KIZ: variants seen among roughly 807,000 people sequenced by gnomAD.
KIZ encodes kizuna centrosomal protein, also known as centrosomal protein kizuna.
KIZ carries 68 observed loss-of-function variants against 79.6 expected under a neutral mutation model. That is an observed-to-expected ratio of 0.85 (90% CI 0.70 to 1.05). The LOEUF (loss-of-function observed/expected upper bound fraction) is 1.05. Among genes scored for constraint, KIZ ranks in the 50% least tolerant of loss-of-function variants. KIZ has a pLI of 0.00. For synonymous variants in KIZ, 280 were observed against 281.8 expected, an observed-to-expected ratio of 0.99 and a Z score of 0.06; for missense variants, 797 against 800.4, an observed-to-expected ratio of 1.00 and a Z score of 0.05.
At chr20:21,203,748 A>C (rs1039775887) in intron 6 of KIZ, among the ~76,000 whole-genome samples, 9 of 152,186 alleles carry the variant, frequency 5.9e-5, no homozygotes, top group Non-Finnish European at 1.3e-4. Context: ...TTGTTGCCCT[A>C]CCAGCCTCCA....
chr20:21,237,385 C>T (rs6137297), intron 11 of KIZ, among the ~76,000 whole-genome samples: 91,415 of 151,484 alleles, frequency 0.6, 28,639 homozygotes, highest in South Asian at 0.78. Context: ...TCTGTTCTTT[C>T]CTCCAAATTC....
intron 6 of KIZ, among the ~76,000 whole-genome samples, chr20:21,176,531 TG>T (rs2034440833): frequency 6.7e-6 from 1 of 148,362 alleles, no homozygotes; most frequent in South Asian, 2.2e-4. Context: ...ACATCATGCC[TG>T]GCTTTCAACA....
At chr20:21,232,096 A>G (rs944531645) in intron 10 of KIZ, among the ~76,000 whole-genome samples, 13 of 152,232 alleles carry the variant, frequency 8.5e-5, no homozygotes, top group Non-Finnish European at 1.5e-4. Context: ...GCAGACCTGT[A>G]GCAGAAACAT....
chr20:21,214,564 A>G lies in KIZ; in HGVS notation c.1476A>G (p.Thr492=). The change falls in exon 8 of 13, where the codon ACA becomes ACG. Residue 492 remains threonine (T), a synonymous_variant. Transcript: ENST00000619189. ...EATALLRKAL[T]EECGRRSAIH... is the part of the protein sequence containing the mutation. The stretch of plus-strand genomic sequence containing the variant: ...CAGCATTATTGAGAAAAGCCCTTAC[A>G]GAAGAGTGTGGCCGTAGGTCAGCTA... 2 of 1,613,692 alleles carry G rather than the reference A, an allele frequency of 1.2e-6. No homozygotes were observed. Among genetic ancestry groups the G allele is most frequent in the Non-Finnish European group, 1.7e-6 (2 of 1,179,676 alleles).
intron 9 of KIZ, among the ~76,000 whole-genome samples, chr20:21,216,506 G>A (rs982718181): frequency 6.6e-6 from 1 of 152,104 alleles, no homozygotes; most frequent in Non-Finnish European, 1.5e-5. Flanking sequence ...CTCTGGTTTT[G>A]AAAAAGCAGT....
At chr20:21,156,927 T>C (rs913665551) in intron 4 of KIZ, among the ~76,000 whole-genome samples, 1 of 152,168 alleles carries the variant, frequency 6.6e-6, no homozygotes, top group Non-Finnish European at 1.5e-5. Context: ...AGGGAGTGTT[T>C]TGTATTATTT....
chr20:21,133,507 G>A (rs1038075161), intron 2 of KIZ, among the ~76,000 whole-genome samples: 13 of 152,210 alleles, frequency 8.5e-5, no homozygotes, highest in Non-Finnish European at 1.5e-4. Context: ...GGTGGTGGGA[G>A]GGGCAAGTGT....
At chr20:21,184,585 A>G (rs1381543434) in intron 6 of KIZ, among the ~76,000 whole-genome samples, 1 of 152,182 alleles carries the variant, frequency 6.6e-6, no homozygotes, top group Non-Finnish European at 1.5e-5. Flanking sequence ...CTAGTGACAG[A>G]CTTTTGGAAA....
chr20:21,223,665 C>CT (rs1053285543), intron 9 of KIZ, among the ~76,000 whole-genome samples: 3,907 of 126,106 alleles, frequency 0.031, 159 homozygotes, highest in African/African-American at 0.062. Context: ...CTCTCTCTCT[C>CT]TTTTTTTTTT....
intron 6 of KIZ, among the ~76,000 whole-genome samples, chr20:21,168,722 T>G (rs1275942398): frequency 2.6e-5 from 4 of 152,170 alleles, no homozygotes; most frequent in Middle Eastern, 3.2e-3. Context: ...ATGGTACTGG[T>G]ACCAAAACAG....
At chr20:21,234,672 T>C (rs1030565782) in intron 11 of KIZ, among the ~76,000 whole-genome samples, 1 of 150,936 alleles carries the variant, frequency 6.6e-6, no homozygotes, top group Non-Finnish European at 1.5e-5. Flanking sequence ...AACATAACAG[T>C]GCAGTGCTGC....
chr20:21,205,635 G>T, intron 7 of KIZ, 51 bp downstream of exon 7: 1 of 763,540 alleles, frequency 1.3e-6, no homozygotes, highest in East Asian at 2.8e-5. Context: ...GTGGACCACA[G>T]GGTAAGGTTA....
intron 11 of KIZ, among the ~76,000 whole-genome samples, chr20:21,240,730 G>A (rs1341660716): frequency 6.6e-6 from 1 of 152,174 alleles, no homozygotes; most frequent in Non-Finnish European, 1.5e-5. Context: ...GCTAAGAGTG[G>A]TTTTCACATT....
chr20:21,142,365 A>ATAAT (rs1424135961), intron 3 of KIZ, among the ~76,000 whole-genome samples: 1 of 152,084 alleles, frequency 6.6e-6, no homozygotes, highest in African/African-American at 2.4e-5. Flanking sequence ...TATCTGACCC[A>ATAAT]TAATATGGCA....
chr20:21,201,978 A>C (rs918606830), intron 6 of KIZ, among the ~76,000 whole-genome samples: 1 of 152,232 alleles, frequency 6.6e-6, no homozygotes, highest in Non-Finnish European at 1.5e-5. Flanking sequence ...CACAAACCCT[A>C]GGTGCTGTAC....
intron 9 of KIZ, among the ~76,000 whole-genome samples, chr20:21,219,376 G>C (rs1394999610): frequency 6.6e-6 from 1 of 151,826 alleles, no homozygotes; most frequent in Non-Finnish European, 1.5e-5. Flanking sequence ...GGAGTGCATT[G>C]TTGTGATCAC....
At chr20:21,204,016 T>A (rs958495310) in intron 6 of KIZ, among the ~76,000 whole-genome samples, 32 of 151,942 alleles carry the variant, frequency 2.1e-4, no homozygotes. Flanking sequence ...CTGTTTTAGG[T>A]ACCTCATTTA....
chr20:21,184,768 G>A (rs1420547767), intron 6 of KIZ, among the ~76,000 whole-genome samples: 2 of 152,172 alleles, frequency 1.3e-5, no homozygotes, highest in Non-Finnish European at 2.9e-5. Context: ...CTGGGGCCTC[G>A]TGTCGTGGCA....
intron 7 of KIZ, among the ~76,000 whole-genome samples, chr20:21,213,181 A>G (rs2036140300): frequency 6.6e-6 from 1 of 152,222 alleles, no homozygotes. Context: ...AGTCAGGACT[A>G]AAGGCAGTTG....
Sources: allele counts gnomAD v4.1 joint callset (sites outside exome capture counted in the v4.1 genomes callset), GRCh38; gene constraint gnomAD v4.1.1; transcripts MANE v1.5; gene names NCBI Gene and HGNC (gene_info 2026-07-23, HGNC 2026-07-21).